DPH6: variants seen among roughly 807,000 people sequenced by gnomAD.
DPH6 encodes diphthine--ammonia ligase.
In DPH6, 33 loss-of-function variants were observed where a neutral mutation model predicts 38.2. That is an observed-to-expected ratio of 0.86 (90% CI 0.65 to 1.15). The LOEUF (loss-of-function observed/expected upper bound fraction) is 1.15, where lower values mean the gene tolerates loss of function less well. Among genes scored for constraint, DPH6 ranks in the 50% most tolerant of loss-of-function variants. The pLI is 0.00. For missense variants in DPH6, 325 were observed against 320.0 expected (o/e 1.02, Z -0.12); for synonymous variants, 108 against 103.0 (o/e 1.05, Z -0.30).
rs553270966 is a variant in DPH6 at position 35,273,564 on chromosome 15, A to G, written n.201-52982T>C. Among the ~76,000 whole-genome samples the G allele has an allele frequency of 2.6e-5, 4 of 152,310 alleles. No homozygotes were observed. The East Asian group carries it at 7.7e-4, about 29-fold the overall frequency. On this transcript the variant is annotated intron_variant and non_coding_transcript_variant, in intron 3 of 3. Coordinates refer to the DPH6 transcript ENST00000560386. ...TGATAAGCAACTTCAGCAAAGTCTC[A>G]GGATACAAAATCAATGTGCAAAAAT...
chr15:35,326,020 T>C (rs999762269), downstream of DPH6, among the ~76,000 whole-genome samples: 2 of 152,048 alleles, frequency 1.3e-5, no homozygotes, highest in African/African-American at 4.8e-5. Flanking sequence ...CCAATCAGAA[T>C]AGAAAAAATT....
At chr15:35,373,890 C>T (rs1595508039) in intron 7 of DPH6, among the ~76,000 whole-genome samples, 1 of 152,026 alleles carries the variant, frequency 6.6e-6, no homozygotes, top group East Asian at 1.9e-4. Context: ...AATTTTAAGA[C>T]TTAAATTCCT....
At chr15:35,321,005 G>A (rs562454277) in intron 3 of DPH6, among the ~76,000 whole-genome samples, 6 of 152,138 alleles carry the variant, frequency 3.9e-5, no homozygotes, top group Non-Finnish European at 8.8e-5. Context: ...CCAATCTTAG[G>A]TTCTTCAATT....
At chr15:35,384,566 G>T (rs987024762) in intron 6 of DPH6, among the ~76,000 whole-genome samples, 35 of 152,296 alleles carry the variant, frequency 2.3e-4, no homozygotes, top group African/African-American at 7.9e-4. Context: ...AGGAGGCTGA[G>T]GCAGGAGAAT....
intron 5 of DPH6, among the ~76,000 whole-genome samples, chr15:35,442,699 T>C (rs1017936077): frequency 6.6e-6 from 1 of 152,206 alleles, no homozygotes; most frequent in African/African-American, 2.4e-5. Context: ...CAAAAAGAAC[T>C]CAATTATATA....
At chr15:35,376,308 C>T (rs965232090) in intron 7 of DPH6, among the ~76,000 whole-genome samples, 2 of 152,102 alleles carry the variant, frequency 1.3e-5, no homozygotes, top group Non-Finnish European at 2.9e-5. Context: ...CAATTACACA[C>T]TAATTAGTGA....
chr15:35,323,199 TA>T (rs2052255157), intron 3 of DPH6, among the ~76,000 whole-genome samples: 1 of 152,170 alleles, frequency 6.6e-6, no homozygotes, highest in Non-Finnish European at 1.5e-5. Context: ...AACAGGGCAT[TA>T]AAAAATCTAT....
At position 35,237,804 on chromosome 15, in the gene DPH6, C is replaced by T. The variant is rs146409713; in HGVS notation, n.201-17222G>A. On this transcript the variant is annotated intron_variant and non_coding_transcript_variant, in intron 3 of 3. Transcript: ENST00000560386. ...GACAAGGAGGCCCCTAACTTGGATG[C>T]TGAGGGCTACGTGGAGGGCCTGGAG... is the stretch of plus-strand genomic sequence containing the variant. 5.1e-5 allele frequency: 81 copies of T among 1,587,148 alleles called. No individual in the cohort carries two copies. The African/African-American group carries it at 8.1e-4, about 16-fold the overall frequency.
chr15:35,377,545 AAG>A (rs555720530), intron 7 of DPH6, among the ~76,000 whole-genome samples: 202 of 152,298 alleles, frequency 1.3e-3, no homozygotes, highest in Non-Finnish European at 2.6e-3. Context: ...AATAAGTAAT[AAG>A]AGAGCAGGTT....
At chr15:35,177,601 ATCATCAT>A in the DPH6 span, among the ~76,000 whole-genome samples, 1 of 109,810 alleles carries the variant, frequency 9.1e-6, no homozygotes, top group African/African-American at 3.5e-5. Context: ...AAAAAAAAAA[ATCATCAT>A]CATCATCATC....
At chr15:35,394,151 G>A (rs1174642055) in intron 6 of DPH6, among the ~76,000 whole-genome samples, 2 of 151,998 alleles carry the variant, frequency 1.3e-5, no homozygotes, top group Admixed American at 6.6e-5. Flanking sequence ...CTCTCTTAAT[G>A]CATTCCCTAT....
chr15:35,500,388 T>C (rs1315807611), intron 3 of DPH6, among the ~76,000 whole-genome samples: 3 of 152,188 alleles, frequency 2.0e-5, no homozygotes, highest in Non-Finnish European at 2.9e-5. Flanking sequence ...ATGATCCAAG[T>C]CAATTTAATT....
chr15:35,382,185 C>T (rs1419669981), intron 6 of DPH6, among the ~76,000 whole-genome samples: 1 of 152,156 alleles, frequency 6.6e-6, no homozygotes, highest in Admixed American at 6.5e-5. Flanking sequence ...CCTGTAATCC[C>T]AGCACTTTGG....
chr15:35,302,697 T>C (rs1421451165), intron 3 of DPH6, among the ~76,000 whole-genome samples: 1 of 152,176 alleles, frequency 6.6e-6, no homozygotes, highest in Non-Finnish European at 1.5e-5. Flanking sequence ...AATCTGTAAA[T>C]AGCACACCCA....
At chr15:35,154,139 A>G in the DPH6 span, among the ~76,000 whole-genome samples, 3 of 152,180 alleles carry the variant, frequency 2.0e-5, no homozygotes, top group Non-Finnish European at 2.9e-5. Flanking sequence ...GATGGTTAAC[A>G]GTAAGGTATA....
intron 3 of DPH6, among the ~76,000 whole-genome samples, chr15:35,226,835 C>T (rs1399026394): frequency 6.6e-6 from 1 of 152,126 alleles, no homozygotes; most frequent in Non-Finnish European, 1.5e-5. Flanking sequence ...AATACTGGCT[C>T]ATAGAATGAG....
intron 3 of DPH6, among the ~76,000 whole-genome samples, chr15:35,264,231 G>C (rs1271139604): frequency 6.6e-6 from 1 of 151,898 alleles, no homozygotes; most frequent in Non-Finnish European, 1.5e-5. Context: ...AAATAATAAA[G>C]TTTTATTTGT....
intron 3 of DPH6, among the ~76,000 whole-genome samples, chr15:35,268,871 G>A (rs1402634112): frequency 3.3e-5 from 5 of 151,952 alleles, no homozygotes; most frequent in Non-Finnish European, 7.4e-5. Flanking sequence ...GTAGGAAGAG[G>A]GCAGGAAAGA....
intron 3 of DPH6, among the ~76,000 whole-genome samples, chr15:35,261,225 A>C (rs1481631190): frequency 6.6e-6 from 1 of 152,192 alleles, no homozygotes; most frequent in Non-Finnish European, 1.5e-5. Flanking sequence ...GCAGTACAGC[A>C]ATACAGCGTG....
Sources: allele counts gnomAD v4.1 joint callset (sites outside exome capture counted in the v4.1 genomes callset), GRCh38; gene constraint gnomAD v4.1.1; transcripts MANE v1.5; gene names NCBI Gene and HGNC (gene_info 2026-07-23, HGNC 2026-07-21).